Variants in ACACA observed in about 807,000 individuals in gnomAD.
The protein encoded by ACACA is acetyl-CoA carboxylase alpha.
Under a neutral mutation model 296.1 loss-of-function variants are expected in ACACA, and 103 were observed. The observed-to-expected ratio is 0.35, with a 90% CI of 0.30 to 0.41. The LOEUF (loss-of-function observed/expected upper bound fraction) is 0.41. Ranked by LOEUF, ACACA falls within the 10% of genes least tolerant of loss-of-function variation. The pLI is 1.00. For synonymous variants in ACACA, 953 were observed against 1,038.6 expected (o/e 0.92, Z 1.58); for missense variants, 1,554 against 2,989.7 (o/e 0.52, Z 11.20).
chr17:37,381,402 T>C (rs898212164), intron 1 of ACACA, among the ~76,000 whole-genome samples: 1 of 151,872 alleles, frequency 6.6e-6, no homozygotes, highest in Non-Finnish European at 1.5e-5. Flanking sequence ...GCCAGGCTAG[T>C]GTTGAACTCC....
intron 1 of ACACA, among the ~76,000 whole-genome samples, chr17:37,403,368 C>CTTTTTTT (rs36037660): frequency 8.9e-6 from 1 of 112,178 alleles, no homozygotes; most frequent in Non-Finnish European, 1.8e-5. Flanking sequence ...TTTGCCACAT[C>CTTTTTTT]TTTTTTTTTT....
intron 25 of ACACA, among the ~76,000 whole-genome samples, chr17:37,229,335 T>C (rs2079722384): frequency 6.6e-6 from 1 of 151,994 alleles, no homozygotes; most frequent in African/African-American, 2.4e-5. Flanking sequence ...ACGGAGTCTC[T>C]CTCTGTTCCG....
intron 1 of ACACA, among the ~76,000 whole-genome samples, chr17:37,400,441 T>A (rs974704569): frequency 9.9e-5 from 15 of 151,536 alleles, no homozygotes; most frequent in Admixed American, 9.9e-4. Context: ...TTTTTAACTA[T>A]AGTCACCATA....
chr17:37,232,530 C>G (rs879315045), intron 25 of ACACA, among the ~76,000 whole-genome samples: 1 of 151,612 alleles, frequency 6.6e-6, no homozygotes, highest in Non-Finnish European at 1.5e-5. Context: ...AACAGCTAAG[C>G]GTTGTCAAAG....
At chr17:37,358,704 A>C (rs1053104815) in intron 1 of ACACA, among the ~76,000 whole-genome samples, 1 of 152,044 alleles carries the variant, frequency 6.6e-6, no homozygotes, top group African/African-American at 2.4e-5. Context: ...CTCCAGGCAG[A>C]AACTCCAGCC....
In ACACA at chr17:37,293,329, T is replaced by C. The variant is rs185410656; in HGVS notation, c.339-8359A>G. Among the ~76,000 whole-genome samples, 9 of 152,312 alleles carry C rather than the reference T, an allele frequency of 5.9e-5. No individual in the cohort carries two copies. The East Asian group carries it at 7.7e-4, about 13-fold the overall frequency. On this transcript the variant is annotated intron_variant, in intron 3 of 55. Transcript: ENST00000616317. ...AACACTTTCTGGCACATTTTGTATA[T>C]AGAATTATGTGTTAACTAGAATTCT...
At chr17:37,280,573 T>C (rs79159965) in intron 5 of ACACA, among the ~76,000 whole-genome samples, 7 of 152,216 alleles carry the variant, frequency 4.6e-5, no homozygotes, top group East Asian at 3.9e-4. Context: ...ACAGATAACA[T>C]GAAGAATAAT....
intron 38 of ACACA, among the ~76,000 whole-genome samples, 180 bp from the exon 39 acceptor site, chr17:37,188,660 T>A (rs1049655452): frequency 3.3e-5 from 5 of 152,112 alleles, no homozygotes; most frequent in Non-Finnish European, 5.9e-5. Context: ...TTGGAACAAG[T>A]CAGGGACAAT....
At chr17:37,183,584 T>C (rs2144922194) in intron 39 of ACACA, among the ~76,000 whole-genome samples, 1 of 152,084 alleles carries the variant, frequency 6.6e-6, no homozygotes, top group East Asian at 2.0e-4. Context: ...ATCCCAGCGC[T>C]TTGGGAGGCC....
chr17:37,373,546 C>T (rs1221095502), intron 1 of ACACA, among the ~76,000 whole-genome samples: 1 of 148,244 alleles, frequency 6.7e-6, no homozygotes, highest in African/African-American at 2.4e-5. Context: ...GTGCCTGGCC[C>T]AGGCTGACTT....
At chr17:37,399,033 G>A (rs980523908) in intron 1 of ACACA, among the ~76,000 whole-genome samples, 1 of 150,854 alleles carries the variant, frequency 6.6e-6, no homozygotes, top group Non-Finnish European at 1.5e-5. Flanking sequence ...AGGCTGGAGT[G>A]CAATGGTGGG....
intron 2 of ACACA, 52 bp from the exon 3 acceptor site, chr17:37,330,477 T>C (rs745817926): frequency 5.6e-6 from 9 of 1,607,916 alleles, no homozygotes; most frequent in Non-Finnish European, 7.6e-6. Flanking sequence ...ATAATCTATA[T>C]CTGAGGTCAG....
chr17:37,365,530 T>A, intron 1 of ACACA: 1 of 985,450 alleles, frequency 1.0e-6, no homozygotes, highest in South Asian at 4.7e-5. Flanking sequence ...ATATAGCTGC[T>A]TTACAGATGG....
At chr17:37,373,775 G>C (rs1269113036) in intron 1 of ACACA, among the ~76,000 whole-genome samples, 1 of 152,156 alleles carries the variant, frequency 6.6e-6, no homozygotes, top group African/African-American at 2.4e-5. Context: ...CTAATGTACA[G>C]AGAGTTTCAA....
chr17:37,200,358 A>G, intron 34 of ACACA, 69 bp downstream of exon 34: 1 of 1,478,854 alleles, frequency 6.8e-7, no homozygotes, highest in South Asian at 1.1e-5. Context: ...TAAGATTACA[A>G]TCCCATTTTT....
chr17:37,330,962 T>C (rs554431942), intron 2 of ACACA, among the ~76,000 whole-genome samples: 182 of 152,248 alleles, frequency 1.2e-3, no homozygotes, highest in Non-Finnish European at 2.1e-3. Context: ...CCATACAGCA[T>C]GCAGTACTAC....
intron 52 of ACACA, among the ~76,000 whole-genome samples, chr17:37,104,901 T>C (rs888341860): frequency 7.6e-6 from 1 of 132,384 alleles, no homozygotes; most frequent in South Asian, 2.4e-4. Context: ...ATCATGACAC[T>C]GCACTCCAGG....
At chr17:37,189,992 T>C (rs2077685494) in intron 38 of ACACA, among the ~76,000 whole-genome samples, 2 of 137,856 alleles carry the variant, frequency 1.5e-5, no homozygotes, top group Admixed American at 7.5e-5. Context: ...CTGGGCAACA[T>C]AGCAAGACCC....
chr17:37,369,250 T>G (rs2049714966), intron 1 of ACACA: 1 of 152,094 alleles, frequency 6.6e-6, no homozygotes, highest in South Asian at 2.1e-4. Flanking sequence ...ATTCTAGCAC[T>G]TTGAGAGGCT....
Sources: gnomAD v4.1 joint callset for allele counts (sites outside exome capture counted in the v4.1 genomes callset) on GRCh38, gnomAD v4.1.1 for gene constraint, MANE v1.5 for transcripts, NCBI Gene and HGNC (gene_info 2026-07-23, HGNC 2026-07-21) for gene names.